The following COA1 variants were observed in gnomAD, a reference collection of about 807,000 sequenced individuals.
The protein encoded by COA1 is cytochrome c oxidase assembly factor 1.
Under a neutral mutation model 16.0 loss-of-function variants are expected in COA1, and 13 were observed. The observed-to-expected ratio is 0.81, with a 90% CI of 0.53 to 1.29. COA1 has a LOEUF of 1.29. Ranked by LOEUF, COA1 falls within the 50% of genes most tolerant of loss-of-function variation. The pLI, the probability that COA1 is intolerant of heterozygous loss-of-function variation, is 0.00. For synonymous variants in COA1, 65 were observed against 65.7 expected, an observed-to-expected ratio of 0.99 and a Z score of 0.05; for missense variants, 179 against 177.0, an observed-to-expected ratio of 1.01 and a Z score of -0.06.
intron 1 of COA1, among the ~76,000 whole-genome samples, chr7:43,651,661 G>A (rs2090807436): frequency 7.0e-6 from 1 of 143,316 alleles, no homozygotes; most frequent in South Asian, 2.2e-4. Context: ...TTCAACCTGG[G>A]AAGCACATCA....
At chr7:43,663,480 G>A (rs1048803381) in intron 1 of COA1, among the ~76,000 whole-genome samples, 1 of 151,780 alleles carries the variant, frequency 6.6e-6, no homozygotes, top group Non-Finnish European at 1.5e-5. Context: ...CGATAACTCT[G>A]AATTTCAACA....
chr7:43,671,890 C>G (rs1257751814), intron 1 of COA1, among the ~76,000 whole-genome samples: 2 of 152,124 alleles, frequency 1.3e-5, no homozygotes, highest in African/African-American at 2.4e-5. Context: ...GAAGTGCCTT[C>G]TGCCATGATT....
intron 1 of COA1, among the ~76,000 whole-genome samples, chr7:43,700,623 A>G (rs1466744360): frequency 1.3e-5 from 1 of 79,438 alleles, no homozygotes; most frequent in Non-Finnish European, 2.7e-5. Flanking sequence ...TGTGTGTTAG[A>G]GTAAGGTACC....
chr7:43,709,037 T>C (rs892687519), intron 1 of COA1, among the ~76,000 whole-genome samples: 8 of 151,858 alleles, frequency 5.3e-5, no homozygotes, highest in Non-Finnish European at 1.0e-4. Context: ...CTTTTTTTTT[T>C]TTTTGAGACA....
At chr7:43,685,324 A>AC (rs2019032164) in intron 1 of COA1, among the ~76,000 whole-genome samples, 1 of 152,184 alleles carries the variant, frequency 6.6e-6, no homozygotes, top group Non-Finnish European at 1.5e-5. Flanking sequence ...TTGACTTCTC[A>AC]CCATCATCTG....
In COA1 at chr7:43,675,652, A is replaced by G. The variant is rs147467355; in HGVS notation, c.-38-27000T>C. Among the ~76,000 whole-genome samples, 269 of 152,328 alleles carry G rather than the reference A, an allele frequency of 1.8e-3. 1 individual carries two copies. Among genetic ancestry groups the G allele is most frequent in the African/African-American group, 6.1e-3 (255 of 41,582 alleles). On this transcript the variant is annotated intron_variant, in intron 1 of 5. Coordinates refer to ENST00000223336, the MANE Select transcript of COA1 (RefSeq NM_018224.4). Reference sequence around the variant, plus strand: ...GTAAATCCACCCTAATTTGTAGCATAGAGGTATATTAATTACAAACTTTAA... The same window carrying G: ...GTAAATCCACCCTAATTTGTAGCATGGAGGTATATTAATTACAAACTTTAA...
At chr7:43,646,824 A>G (rs2089449770) in intron 3 of COA1, 1 of 282,230 alleles carries the variant, frequency 3.5e-6, no homozygotes, top group Admixed American at 4.1e-5. Flanking sequence ...TGCTGGTGAC[A>G]CTCACATCCT....
intron 1 of COA1, among the ~76,000 whole-genome samples, chr7:43,655,786 G>T (rs1222500289): frequency 6.6e-6 from 1 of 152,194 alleles, no homozygotes; most frequent in African/African-American, 2.4e-5. Flanking sequence ...TCAACCAACA[G>T]GAGGAGGCAG....
intron 1 of COA1, among the ~76,000 whole-genome samples, chr7:43,707,526 C>T (rs2095038953): frequency 6.6e-6 from 1 of 152,136 alleles, no homozygotes; most frequent in African/African-American, 2.4e-5. Flanking sequence ...CAATCATTAA[C>T]CCCTCCCTCC....
chr7:43,722,287 G>A (rs924085428), intron 1 of COA1, among the ~76,000 whole-genome samples: 1 of 151,976 alleles, frequency 6.6e-6, no homozygotes, highest in Non-Finnish European at 1.5e-5. Flanking sequence ...GAGAGATGGG[G>A]TTTCGCCACT....
chr7:43,668,927 A>C (rs921848479), intron 1 of COA1, among the ~76,000 whole-genome samples: 4 of 152,198 alleles, frequency 2.6e-5, no homozygotes, highest in Non-Finnish European at 2.9e-5. Context: ...TTCTAACTGA[A>C]ATATTGGACA....
chr7:43,722,972 A>G (rs2095541324), intron 1 of COA1, among the ~76,000 whole-genome samples: 1 of 152,252 alleles, frequency 6.6e-6, no homozygotes, highest in Non-Finnish European at 1.5e-5. Context: ...AACTAAGAGC[A>G]AAAGTCACAT....
At chr7:43,708,611 G>C (rs1179633242) in intron 1 of COA1, among the ~76,000 whole-genome samples, 3 of 151,900 alleles carry the variant, frequency 2.0e-5, no homozygotes, top group Non-Finnish European at 4.4e-5. Context: ...GTGCTCTTTG[G>C]CACCTTTTCT....
At position 43,719,736 on chromosome 7, in the gene COA1, A is replaced by G. The variant is rs114973922; in HGVS notation, c.-39+9693T>C. 2.7e-3 allele frequency among the ~76,000 whole-genome samples: 413 copies of G among 152,354 alleles called. 1 individual carries two copies. Among genetic ancestry groups the G allele is most frequent in the African/African-American group, 9.5e-3 (395 of 41,576 alleles). On this transcript the variant is annotated intron_variant, in intron 1 of 5. Transcript: ENST00000223336. ...TCCCCTGACCCACATATTTCAATAT[A>G]GTATTAAGCCTTGTTTTCATTACCT...
At chr7:43,713,262 T>C (rs980160998) in intron 1 of COA1, among the ~76,000 whole-genome samples, 5 of 152,064 alleles carry the variant, frequency 3.3e-5, no homozygotes, top group Non-Finnish European at 7.4e-5. Flanking sequence ...TCAATACATA[T>C]ATATGTTATA....
chr7:43,703,011 TTTAG>T (rs1285348567), intron 1 of COA1, among the ~76,000 whole-genome samples: 2 of 152,164 alleles, frequency 1.3e-5, no homozygotes, highest in Admixed American at 6.5e-5. Flanking sequence ...CCTCTTAACC[TTTAG>T]TTGTGTCCCA....
chr7:43,673,703 T>C (rs2093378484), intron 1 of COA1, among the ~76,000 whole-genome samples: 1 of 152,212 alleles, frequency 6.6e-6, no homozygotes, highest in Non-Finnish European at 1.5e-5. Flanking sequence ...CGTATGTTCA[T>C]CACTGCACTA....
chr7:43,717,814 G>A (rs999060602), intron 1 of COA1, among the ~76,000 whole-genome samples: 2 of 152,140 alleles, frequency 1.3e-5, no homozygotes, highest in Non-Finnish European at 2.9e-5. Context: ...TCATGGGGGC[G>A]GTTTCCCCCA....
At chr7:43,645,491 G>T in intron 3 of COA1, 92 bp from the exon 4 acceptor site, 2 of 1,146,814 alleles carry the variant, frequency 1.7e-6, no homozygotes, top group Non-Finnish European at 2.6e-6. Context: ...TGACGTACAG[G>T]GTAGAAACAG....
Sources: allele counts gnomAD v4.1 joint callset (sites outside exome capture counted in the v4.1 genomes callset), GRCh38; gene constraint gnomAD v4.1.1; transcripts MANE v1.5; gene names NCBI Gene and HGNC (gene_info 2026-07-23, HGNC 2026-07-21).